The following PIK3AP1 variants were observed in gnomAD, a reference collection of about 807,000 sequenced individuals.
PIK3AP1 encodes the protein phosphoinositide 3-kinase adapter protein 1.
Under a neutral mutation model 88.1 loss-of-function variants are expected in PIK3AP1, and 21 were observed. The observed-to-expected ratio is 0.24, with a 90% confidence interval of 0.17 to 0.34. The LOEUF is 0.34. Ranked by LOEUF, PIK3AP1 falls within the 10% of genes least tolerant of loss-of-function variation. PIK3AP1 has a pLI of 1.00. For missense variants in PIK3AP1, 828 were observed against 1,035.7 expected (o/e 0.80, Z 2.75); for synonymous variants, 398 against 400.0 (o/e 1.00, Z 0.06).
intron 3 of PIK3AP1, 23 bp downstream of exon 3, chr10:96,656,775 A>G (rs1030916811): frequency 6.2e-7 from 1 of 1,611,880 alleles, no homozygotes; most frequent in Non-Finnish European, 8.5e-7. Flanking sequence ...ACATCCAGCT[A>G]CCAGGCCCCC....
At chr10:96,679,712 G>A (rs183690147) in intron 2 of PIK3AP1, among the ~76,000 whole-genome samples, 1 of 152,246 alleles carries the variant, frequency 6.6e-6, no homozygotes, top group Admixed American at 6.5e-5. Flanking sequence ...GGGTTGGTAA[G>A]TGTTCAGCCA....
At chr10:96,608,576 T>C (rs1849042788) in intron 14 of PIK3AP1, among the ~76,000 whole-genome samples, 1 of 152,214 alleles carries the variant, frequency 6.6e-6, no homozygotes, top group South Asian at 2.1e-4. Flanking sequence ...TCTCTCTCTT[T>C]CCGGGTCACA....
At chr10:96,682,035 G>A (rs1441240971) in intron 2 of PIK3AP1, among the ~76,000 whole-genome samples, 1 of 149,928 alleles carries the variant, frequency 6.7e-6, no homozygotes, top group Non-Finnish European at 1.5e-5. Flanking sequence ...GAGAGAGAGA[G>A]AAACAAGGGG....
chr10:96,655,422 G>A (rs1336272793), intron 3 of PIK3AP1, among the ~76,000 whole-genome samples: 1 of 152,194 alleles, frequency 6.6e-6, no homozygotes. Context: ...CACAAGAATT[G>A]CTTGAATCTG....
chr10:96,628,895 T>G (rs1463319351), intron 8 of PIK3AP1, among the ~76,000 whole-genome samples: 4 of 29,420 alleles, frequency 1.4e-4, no homozygotes, highest in Non-Finnish European at 3.1e-4. Flanking sequence ...TATACATATA[T>G]ATATATATAT....
At chr10:96,610,014 G>T in intron 13 of PIK3AP1, 147 bp from the exon 14 acceptor site, 1 of 992,028 alleles carries the variant, frequency 1.0e-6, no homozygotes, top group Non-Finnish European at 1.5e-6. Context: ...GAGAGGGAGG[G>T]GCCCTGGGTT....
intron 8 of PIK3AP1, 85 bp from the exon 9 acceptor site, chr10:96,628,578 C>A: frequency 8.9e-7 from 1 of 1,118,632 alleles, no homozygotes; most frequent in South Asian, 1.2e-5. Context: ...TGAGGTTTGG[C>A]AACTCTCTTA....
chr10:96,632,833 C>A, intron 8 of PIK3AP1: 1 of 1,585,736 alleles, frequency 6.3e-7, no homozygotes, highest in South Asian at 1.1e-5. Context: ...GACTACACAT[C>A]CACCAGTCCA....
chr10:96,685,928 C>A (rs1344069800), intron 2 of PIK3AP1, among the ~76,000 whole-genome samples: 1 of 152,188 alleles, frequency 6.6e-6, no homozygotes, highest in African/African-American at 2.4e-5. Flanking sequence ...CCCTGGACAG[C>A]AGGGCCTGTC....
chr10:96,617,608 C>T lies in PIK3AP1; in HGVS notation c.1942-897G>A, dbSNP rs146113629. On this transcript the variant is annotated intron_variant, in intron 12 of 16. Transcript: ENST00000339364. ...CCTTCCTGGAGACTATGGAGTATGC[C>T]AGATGCAGGCAACAGAAGCTGACAT... Among the ~76,000 whole-genome samples, 672 of 152,252 alleles carry T rather than the reference C, an allele frequency of 4.4e-3. 1 individual carries two copies. The highest frequency in any genetic ancestry group is 6.6e-3 in the Non-Finnish European group (452 of 68,018).
chr10:96,663,627 CAAAAAAAA>C (rs373081849), intron 2 of PIK3AP1, among the ~76,000 whole-genome samples: 308 of 42,990 alleles, frequency 7.2e-3, no homozygotes, highest in South Asian at 0.022. Context: ...GAGACTCCGT[CAAAAAAAA>C]AAAAAAAAAA....
chr10:96,623,543 A>G lies in PIK3AP1; in HGVS notation c.1670-6T>C. On this transcript the variant is annotated splice_region_variant and splice_polypyrimidine_tract_variant and intron_variant, in intron 10 of 16. Transcript: ENST00000339364. ...TTGACTTTTTTCTGCAAAAACTATG[A>G]GATAAAGAATATTCTGATTACTGAA... 1 of 1,594,094 alleles carries G rather than the reference A, an allele frequency of 6.3e-7. No homozygotes were observed. Among genetic ancestry groups the G allele is most frequent in the Non-Finnish European group, 8.6e-7 (1 of 1,163,024 alleles).
At chr10:96,619,207 G>A (rs565056430) in intron 12 of PIK3AP1, among the ~76,000 whole-genome samples, 3 of 152,184 alleles carry the variant, frequency 2.0e-5, no homozygotes, top group South Asian at 4.1e-4. Flanking sequence ...TAGCACTGTC[G>A]GAGGTCAGCA....
intron 14 of PIK3AP1, among the ~76,000 whole-genome samples, chr10:96,604,863 AT>A (rs796288451): frequency 6.5e-4 from 98 of 150,662 alleles, no homozygotes; most frequent in African/African-American, 1.9e-3. Flanking sequence ...CAAAAGTATA[AT>A]TTTTTTTTTC....
chr10:96,697,525 C>G (rs1844237025), intron 2 of PIK3AP1, among the ~76,000 whole-genome samples: 2 of 152,200 alleles, frequency 1.3e-5, no homozygotes, highest in African/African-American at 4.8e-5. Context: ...GAGTTCGAGA[C>G]TAGCCTGGGC....
At position 96,602,165 on chromosome 10, in the gene PIK3AP1, G is replaced by A. The variant is rs930735792; in HGVS notation, c.2360+115C>T. 20 of 872,214 alleles carry A rather than the reference G, an allele frequency of 2.3e-5. No individual in the cohort carries two copies. In the South Asian group the frequency reaches 2.9e-4, roughly 13 times the overall value. The allele number at this position is 872,214 out of a possible 1,614,324, so 54.0% of individuals were successfully genotyped here. A position where few individuals can be genotyped will look rare whatever the true frequency, so the allele number is the denominator to read the frequency against. On this transcript the variant is annotated intron_variant, in intron 16 of 16. Transcript: ENST00000339364. ...CCCAAAGTGCTGGGATTACAGGCAT[G>A]AGCCACTGCGCCCAGCTCTGCGCTT...
intron 14 of PIK3AP1, among the ~76,000 whole-genome samples, chr10:96,606,744 G>A (rs970734188): frequency 3.3e-5 from 5 of 152,188 alleles, no homozygotes; most frequent in Admixed American, 6.5e-5. Flanking sequence ...TCTCTCCTCC[G>A]TTACAAGGCT....
At chr10:96,713,712 T>C (rs1344614431) in intron 1 of PIK3AP1, among the ~76,000 whole-genome samples, 1 of 152,038 alleles carries the variant, frequency 6.6e-6, no homozygotes, top group Non-Finnish European at 1.5e-5. Flanking sequence ...TCCAATTTTA[T>C]AAGAAGAATT....
chr10:96,645,267 C>A (rs1050936143), intron 8 of PIK3AP1, among the ~76,000 whole-genome samples: 9 of 152,234 alleles, frequency 5.9e-5, no homozygotes, highest in Middle Eastern at 3.4e-3. Flanking sequence ...TTAAACTCTC[C>A]CAGCAGTCAT....
Sources: gnomAD v4.1 joint callset for allele counts (sites outside exome capture counted in the v4.1 genomes callset) on GRCh38, gnomAD v4.1.1 for gene constraint, MANE v1.5 for transcripts, NCBI Gene and HGNC (gene_info 2026-07-23, HGNC 2026-07-21) for gene names.